FDXR: variants seen among roughly 807,000 people sequenced by gnomAD.
FDXR encodes the protein NADPH:adrenodoxin oxidoreductase, mitochondrial.
FDXR carries 38 observed loss-of-function variants against 58.3 expected under a neutral mutation model. That is an observed-to-expected ratio of 0.65 (90% CI 0.50 to 0.85). The LOEUF is 0.85. FDXR is among the 40% of genes least tolerant of loss of function. FDXR has a pLI of 0.00. For synonymous variants in FDXR, 275 were observed against 273.8 expected, an observed-to-expected ratio of 1.00 and a Z score of -0.04; for missense variants, 624 against 671.0, an observed-to-expected ratio of 0.93 and a Z score of 0.77.
chr17:74,864,198 G>T lies in FDXR; in HGVS notation c.952C>A (p.Pro318Thr), dbSNP rs1159463088. 28 of 1,612,628 alleles carry T rather than the reference G, an allele frequency of 1.7e-5. No individual in the cohort carries two copies. The highest frequency in any genetic ancestry group is 2.2e-5 in the Non-Finnish European group (26 of 1,179,940). The stretch of plus-strand genomic sequence containing the variant: ...ACACCTGCTGCCCGCCGCCCATCTG[G>T]TGAGGGCAGCACCTGCTGGGGGCTT... ...FRSPQQVLPS[P>T]DGRRAAGVRL... Residue 318 changes from proline to threonine, a missense_variant, in exon 9 of 12, where the codon CCA becomes ACA. Physicochemically the swap from Pro to Thr is conservative, Grantham distance 38. Transcript: ENST00000293195.
Position 74,863,170 on chromosome 17 carries a change from G to T in FDXR, c.1251C>A (p.Thr417=). ...IATTMTDSFL[T]GQMLLQDLKA... Reference sequence around the variant, plus strand: ...TCAGGTCCTGCAGCAGCATCTGGCCGGTGAGGAAGCTGTCAGTCATGGTTG... The same window carrying T: ...TCAGGTCCTGCAGCAGCATCTGGCCTGTGAGGAAGCTGTCAGTCATGGTTG... Residue 417 remains threonine, a synonymous_variant, in exon 11 of 12, where the codon ACC becomes ACA. Coordinates refer to ENST00000293195, the MANE Select transcript of FDXR (RefSeq NM_024417.5). 1 of 1,613,840 alleles carries T rather than the reference G, an allele frequency of 6.2e-7. No homozygotes were observed. Among genetic ancestry groups the T allele is most frequent in the Non-Finnish European group, 8.5e-7 (1 of 1,179,964 alleles).
At chr17:74,866,659 G>A (rs764894312) in intron 3 of FDXR, 91 bp from the exon 4 acceptor site, 23 of 1,597,864 alleles carry the variant, frequency 1.4e-5, no homozygotes, top group Admixed American at 1.7e-5. Flanking sequence ...GTGTCCCCAG[G>A]AGGGAAGCTG....
intron 10 of FDXR, 103 bp downstream of exon 10, chr17:74,863,793 T>C: frequency 2.1e-6 from 3 of 1,424,118 alleles, no homozygotes; most frequent in Non-Finnish European, 2.9e-6. Context: ...TGCAGAAGCT[T>C]CTCAGTACAT....
Position 74,862,705 on chromosome 17 carries a change from A to G in FDXR, c.*112T>C. 7.1e-7 allele frequency: 1 copy of G among 1,412,638 alleles called. No individual in the cohort carries two copies. Among genetic ancestry groups the G allele is most frequent in the Non-Finnish European group, 9.4e-7 (1 of 1,060,064 alleles). 87.5% of individuals were successfully genotyped at this position (1,412,638 alleles called of 1,614,324 possible). ...CGCTGGAAGAGCAGCCAAGCCTCCA[A>G]GCCAGGGCCGGCCGGGATCAGCAGA... On this transcript the variant is annotated 3_prime_UTR_variant, in exon 12 of 12. Coordinates refer to ENST00000293195, the MANE Select transcript of FDXR (RefSeq NM_024417.5).
In FDXR at chr17:74,864,851, T is replaced by G. The variant is rs944260508; in HGVS notation, c.690A>C (p.Gly230=). 6 of 1,613,582 alleles carry G rather than the reference T, an allele frequency of 3.7e-6. No homozygotes were observed. The highest frequency in any genetic ancestry group is 5.1e-6 in the Non-Finnish European group (6 of 1,179,870). The change falls in exon 7 of 12, where the codon GGA becomes GGC. Residue 230 remains glycine, a synonymous_variant. Transcript: ENST00000293195. The part of the protein sequence containing the change: ...VKTVWLVGRR[G]PLQVAFTIKE... Reference sequence around the variant, plus strand: ...TAATGGTGAAGGCCACTTGCAGGGGTCCACGCCGGCCCACTAGCCACACTG... The same window carrying G: ...TAATGGTGAAGGCCACTTGCAGGGGGCCACGCCGGCCCACTAGCCACACTG...
chr17:74,872,648 T>A, intron 1 of FDXR: 1 of 1,050,116 alleles, frequency 9.5e-7, no homozygotes, highest in Non-Finnish European at 1.3e-6. Flanking sequence ...AAGTCTCTCC[T>A]TTTCACCTTT....
At chr17:74,863,588 G>A (rs186533203) in intron 10 of FDXR, among the ~76,000 whole-genome samples, 4 of 152,272 alleles carry the variant, frequency 2.6e-5, no homozygotes, top group Admixed American at 2.0e-4. Context: ...AAAACTGGAA[G>A]CTCCCTGAGG....
At chr17:74,864,383 G>A (rs1180317519) in intron 8 of FDXR, 36 bp from the exon 9 acceptor site, 1 of 1,591,748 alleles carries the variant, frequency 6.3e-7, no homozygotes, top group Non-Finnish European at 8.6e-7. Context: ...GGCTGTCCCT[G>A]GGCCCCGGCC....
At chr17:74,865,204 C>T (rs2038135076) in intron 6 of FDXR, among the ~76,000 whole-genome samples, 1 of 151,998 alleles carries the variant, frequency 6.6e-6, no homozygotes, top group Non-Finnish European at 1.5e-5. Context: ...GCGGGGTGGT[C>T]AATGGTGAGG....
In FDXR at chr17:74,866,226, G is replaced by A. The variant is rs766174200; in HGVS notation, c.412C>T (p.His138Tyr). ...TCACCAGGAATTTCCAGGGCCCGAT[G>A]GTCCTCTGCCCCGTAGCTCTGATGA... ...AVVLSYGAED[H>Y]RALEIPGEEL... Residue 138 changes from histidine to tyrosine, a missense_variant, in exon 5 of 12, where the codon CAT becomes TAT. Coordinates refer to ENST00000293195, the MANE Select transcript of FDXR (RefSeq NM_024417.5). The A allele has an allele frequency of 1.5e-5, 25 of 1,613,694 alleles. No individual in the cohort carries two copies. Among genetic ancestry groups the A allele is most frequent in the East Asian group, 2.2e-5 (1 of 44,892 alleles).
In FDXR at chr17:74,866,787, C is replaced by T; in HGVS notation, c.267G>A (p.Val89=). The T allele has an allele frequency of 6.2e-7, 1 of 1,614,122 alleles. No individual in the cohort carries two copies. Among genetic ancestry groups the T allele is most frequent in the Non-Finnish European group, 8.5e-7 (1 of 1,180,012 alleles). ...RFGVAPDHPE[V]KNVINTFTQT... ...CTCCAGGCCCAGAGACACCCACCTT[C>T]ACCTCGGGGTGATCAGGCGCCACAC... The change falls in exon 3 of 12, where the codon GTG becomes GTA. Residue 89 remains valine (V), a synonymous_variant. Transcript: ENST00000293195.
chr17:74,863,211 T>C lies in FDXR; in HGVS notation c.1210A>G (p.Thr404Ala), dbSNP rs780077472. 2.4e-5 allele frequency: 39 copies of C among 1,613,404 alleles called. No homozygotes were observed. The Admixed American group carries it at 2.8e-4, about 12-fold the overall frequency. ...GTCATGGTTGTGGCTATGACACCTG[T>C]AGGTCCTCTCTTCACCCAGCCGCTG... The part of the protein sequence containing the change: ...YCSGWVKRGP[T>A]GVIATTMTDS... The change falls in exon 11 of 12, where the codon ACA becomes GCA. Residue 404 changes from threonine to alanine, a missense_variant. Physicochemically the swap from Thr to Ala is moderately conservative, Grantham distance 58. Transcript: ENST00000293195.
chr17:74,867,335 A>G (rs997014018), intron 2 of FDXR, among the ~76,000 whole-genome samples: 2 of 145,440 alleles, frequency 1.4e-5, no homozygotes, highest in African/African-American at 5.1e-5. Context: ...AAAAAAAAAG[A>G]CGACGACGGC....
chr17:74,864,313 C>T lies in FDXR; in HGVS notation c.837G>A (p.Leu279=). The T allele has an allele frequency of 1.9e-6, 3 of 1,581,092 alleles. No individual in the cohort carries two copies. The highest frequency in any genetic ancestry group is 2.6e-6 in the Non-Finnish European group (3 of 1,160,986). ...VPRPRKRLTE[L]LLRTATEKPG... ...GCTTCTCTGTGGCCGTTCGAAGCAG[C>T]AGTTCCGTCAGCCGCTTCCTCGGGC... The change falls in exon 9 of 12, where the codon CTG becomes CTA. Residue 279 remains leucine (L), a synonymous_variant. Transcript: ENST00000293195.
intron 6 of FDXR, 25 bp downstream of exon 6, chr17:74,865,694 C>T (rs1182921979): frequency 3.2e-6 from 5 of 1,556,348 alleles, no homozygotes; most frequent in South Asian, 1.1e-5. Context: ...ACCTCCAACC[C>T]CGCCAGCCCT....
chr17:74,869,673 T>C (rs1469961230), intron 2 of FDXR, among the ~76,000 whole-genome samples: 1 of 152,152 alleles, frequency 6.6e-6, no homozygotes, highest in East Asian at 1.9e-4. Flanking sequence ...CCAGTCTCTG[T>C]GCTTATAGCC....
intron 2 of FDXR, chr17:74,868,858 T>A: frequency 1.0e-6 from 1 of 991,212 alleles, no homozygotes; most frequent in Non-Finnish European, 1.4e-6. Context: ...CTACTCTCTC[T>A]CTCCTGCCCA....
In FDXR at chr17:74,864,330, T is replaced by C. The variant is rs760182097; in HGVS notation, c.820A>G (p.Lys274Glu). 2.0e-5 allele frequency: 31 copies of C among 1,576,358 alleles called. No homozygotes were observed. Among genetic ancestry groups the C allele is most frequent in the Admixed American group, 3.6e-5 (2 of 55,732 alleles). Residue 274 changes from lysine (K) to glutamate (E), a missense_variant, in exon 9 of 12, where the codon AAG becomes GAG. Lys to Glu is a moderately conservative substitution (Grantham distance 56, BLOSUM62 1). Transcript: ENST00000293195. ...CGAAGCAGCAGTTCCGTCAGCCGCT[T>C]CCTCGGGCGGGGGACCTCTGTCAGC... ...DKIKEVPRPR[K>E]RLTELLLRTA...
At chr17:74,872,628 G>A (rs1300456134) in intron 1 of FDXR, 14 of 878,654 alleles carry the variant, frequency 1.6e-5, no homozygotes, top group Non-Finnish European at 2.4e-5. Context: ...TCTCACACCT[G>A]TAGATCTCAA....
Sources: gnomAD v4.1 joint callset for allele counts (sites outside exome capture counted in the v4.1 genomes callset) on GRCh38, gnomAD v4.1.1 for gene constraint, MANE v1.5 for transcripts, NCBI Gene and HGNC (gene_info 2026-07-23, HGNC 2026-07-21) for gene names.